MAP3K5: variants seen among roughly 807,000 people sequenced by gnomAD.
MAP3K5 encodes the protein mitogen-activated protein kinase kinase kinase 5.
In MAP3K5, 56 loss-of-function variants were observed where a neutral mutation model predicts 158.7. That is an observed-to-expected ratio of 0.35 (90% CI 0.28 to 0.44). The LOEUF is 0.44. Ranked by LOEUF, MAP3K5 falls within the 20% of genes least tolerant of loss-of-function variation. The probability of loss-of-function intolerance (pLI) is 1.00; values close to 1 mark genes in which losing one functional copy is unlikely to be tolerated. For synonymous variants in MAP3K5, 579 were observed against 601.7 expected, an observed-to-expected ratio of 0.96 and a Z score of 0.55; for missense variants, 1,294 against 1,674.8, an observed-to-expected ratio of 0.77 and a Z score of 3.97.
intron 1 of MAP3K5, among the ~76,000 whole-genome samples, chr6:136,757,579 A>T (rs200089898): frequency 0.026 from 2,879 of 111,718 alleles, 92 homozygotes; most frequent in African/African-American, 0.073. Context: ...TTATTTATTT[A>T]TTTTTTATTT....
At chr6:136,679,126 T>A (rs1236306997) in intron 7 of MAP3K5, among the ~76,000 whole-genome samples, 1 of 152,230 alleles carries the variant, frequency 6.6e-6, no homozygotes, top group African/African-American at 2.4e-5. Context: ...TGTTCCAGAA[T>A]TGCCTTATGA....
intron 8 of MAP3K5, among the ~76,000 whole-genome samples, chr6:136,664,290 C>A (rs983436868): frequency 6.6e-6 from 1 of 152,062 alleles, no homozygotes; most frequent in Non-Finnish European, 1.5e-5. Context: ...CCCATCCCCC[C>A]AGATGGGACC....
At chr6:136,594,021 T>TCATCCC (rs1345695940) in intron 21 of MAP3K5, among the ~76,000 whole-genome samples, 1 of 152,100 alleles carries the variant, frequency 6.6e-6, no homozygotes, top group East Asian at 1.9e-4. Context: ...AACTGGAAAG[T>TCATCCC]CTCCCCAGGA....
intron 12 of MAP3K5, among the ~76,000 whole-genome samples, chr6:136,642,035 T>TAAAATA: frequency 2.0e-5 from 1 of 49,662 alleles, no homozygotes; most frequent in South Asian, 6.5e-4. Context: ...AAAATAAAAA[T>TAAAATA]AAAATAAAAT....
Position 136,695,987 on chromosome 6 carries a change from T to C in MAP3K5, c.1046A>G (p.His349Arg). 1 of 1,613,766 alleles carries C rather than the reference T, an allele frequency of 6.2e-7. No individual in the cohort carries two copies. Among genetic ancestry groups the C allele is most frequent in the South Asian group, 1.1e-5 (1 of 91,066 alleles). ...KLPTFDLASH[H>R]HVKFHYAFAL... is the part of the protein sequence containing the mutation. The stretch of plus-strand genomic sequence containing the variant: ...AAATGCATAATGAAACTTCACATGG[T>C]GATGGGAGGCCAAATCAAAGGTTGG... Residue 349 changes from histidine to arginine, a missense_variant, in exon 6 of 30, where the codon CAC becomes CGC. Coordinates refer to ENST00000359015, the MANE Select transcript of MAP3K5 (RefSeq NM_005923.4).
At chr6:136,697,501 T>C in intron 4 of MAP3K5, 114 bp from the exon 5 acceptor site, 1 of 818,004 alleles carries the variant, frequency 1.2e-6, no homozygotes, top group Non-Finnish European at 1.9e-6. Context: ...AAAGCATTTG[T>C]AGTTTTCAGT....
intron 26 of MAP3K5, among the ~76,000 whole-genome samples, chr6:136,567,312 T>C (rs987710258): frequency 6.6e-6 from 1 of 152,228 alleles, no homozygotes; most frequent in Non-Finnish European, 1.5e-5. Flanking sequence ...TCTTTTCAGC[T>C]ATCTACTGGA....
Position 136,601,813 on chromosome 6 carries a change from G to A in MAP3K5, c.2846C>T (p.Pro949Leu). 1 of 1,614,026 alleles carries A rather than the reference G, an allele frequency of 6.2e-7. No individual in the cohort carries two copies. The highest frequency in any genetic ancestry group is 1.1e-5 in the South Asian group (1 of 91,060). The change falls in exon 20 of 30, where the codon CCT becomes CTT. Residue 949 changes from proline to leucine, a missense_variant. Transcript: ENST00000359015. ...KVSSKKKKTQPKLSALSAGSN... is the reference protein window; with the variant it reads ...KVSSKKKKTQLKLSALSAGSN... Reference sequence around the variant, plus strand: ...ATGCAACCACATACCTGAAAGCTTAGGTTGTGTCTTTTTCTTTTTGCTTGA... The same window carrying A: ...ATGCAACCACATACCTGAAAGCTTAAGTTGTGTCTTTTTCTTTTTGCTTGA...
chr6:136,791,967 C>A lies in MAP3K5; in HGVS notation c.191G>T (p.Gly64Val), dbSNP rs778591440. 1.1e-5 allele frequency: 18 copies of A among 1,608,800 alleles called. No individual in the cohort carries two copies. The South Asian group carries it at 2.0e-4, about 18-fold the overall frequency. ...GGAGGTGGCCGCCGGACAACCGATG[C>A]CAGGGGCAGCGGCGCTCTCCACGTT... is the stretch of plus-strand genomic sequence containing the variant. ...FWNVESAAAP[G>V]IGCPAATSSS... The change falls in exon 1 of 30, where the codon GGC becomes GTC. Residue 64 changes from glycine (G) to valine (V), a missense_variant. Gly to Val is a moderately radical substitution (Grantham distance 109). Coordinates refer to ENST00000359015, the MANE Select transcript of MAP3K5 (RefSeq NM_005923.4).
chr6:136,664,880 A>G (rs1276389449), intron 8 of MAP3K5, among the ~76,000 whole-genome samples: 1 of 152,172 alleles, frequency 6.6e-6, no homozygotes, highest in Non-Finnish European at 1.5e-5. Context: ...GCAGTGAGCC[A>G]AGATCGCACC....
At chr6:136,791,281 C>T (rs903773193) in intron 1 of MAP3K5, among the ~76,000 whole-genome samples, 6 of 152,102 alleles carry the variant, frequency 3.9e-5, no homozygotes, top group Non-Finnish European at 8.8e-5. Context: ...TCATCGTTCC[C>T]GTACTCTCAA....
chr6:136,758,654 T>C (rs1294928536), intron 1 of MAP3K5, among the ~76,000 whole-genome samples: 1 of 152,172 alleles, frequency 6.6e-6, no homozygotes, highest in Non-Finnish European at 1.5e-5. Context: ...GAAAAATCAA[T>C]AAAAGAGACT....
At chr6:136,781,586 G>A (rs1322807901) in intron 1 of MAP3K5, among the ~76,000 whole-genome samples, 2 of 152,138 alleles carry the variant, frequency 1.3e-5, no homozygotes, top group Admixed American at 1.3e-4. Context: ...ATTTAATCTG[G>A]CCGCTCTCAT....
intron 1 of MAP3K5, among the ~76,000 whole-genome samples, chr6:136,725,296 C>T (rs907013371): frequency 6.6e-6 from 1 of 152,198 alleles, no homozygotes; most frequent in African/African-American, 2.4e-5. Context: ...CAAAGTGACT[C>T]AAACATTTTG....
chr6:136,562,671 T>A, intron 26 of MAP3K5, 56 bp from the exon 27 acceptor site: 2 of 876,064 alleles, frequency 2.3e-6, no homozygotes, highest in South Asian at 3.3e-5. Context: ...ACCTTCTTTT[T>A]TTTATTTTTA....
chr6:136,567,989 T>C (rs1341501164), intron 25 of MAP3K5, 115 bp from the exon 26 acceptor site: 4 of 1,179,424 alleles, frequency 3.4e-6, no homozygotes, highest in Non-Finnish European at 4.7e-6. Flanking sequence ...TATTCCAAAC[T>C]GCTTTTCCAA....
At chr6:136,705,426 C>T (rs371569180) in intron 2 of MAP3K5, among the ~76,000 whole-genome samples, 2 of 152,130 alleles carry the variant, frequency 1.3e-5, no homozygotes, top group African/African-American at 2.4e-5. Flanking sequence ...TCCCAAGTAG[C>T]TAGGACTACA....
At chr6:136,581,326 T>C (rs192820711) in intron 24 of MAP3K5, among the ~76,000 whole-genome samples, 84 of 152,336 alleles carry the variant, frequency 5.5e-4, no homozygotes, top group African/African-American at 1.9e-3. Context: ...TTATATTCCA[T>C]TGTATGTATT....
rs568873477 is a variant in MAP3K5 at position 136,652,515 on chromosome 6, T to C, written c.1681-1424A>G. Among the ~76,000 whole-genome samples, 3 of 152,284 alleles carry C rather than the reference T, an allele frequency of 2.0e-5. No individual in the cohort carries two copies. In the South Asian group the frequency reaches 6.2e-4, roughly 32 times the overall value. Reference sequence around the variant, plus strand: ...GAAAATCATTTTCCCATCTAAACTTTGCAGAAATGGTGCTCTCATATCTGA... The same window carrying C: ...GAAAATCATTTTCCCATCTAAACTTCGCAGAAATGGTGCTCTCATATCTGA... On this transcript the variant is annotated intron_variant, in intron 10 of 29. Coordinates refer to ENST00000359015, the MANE Select transcript of MAP3K5 (RefSeq NM_005923.4).
Sources: allele counts gnomAD v4.1 joint callset (sites outside exome capture counted in the v4.1 genomes callset), GRCh38; gene constraint gnomAD v4.1.1; transcripts MANE v1.5; gene names NCBI Gene and HGNC (gene_info 2026-07-23, HGNC 2026-07-21).